Variants in OLAH observed in about 807,000 individuals in gnomAD.
The protein encoded by OLAH is S-acyl fatty acid synthase thioesterase, medium chain.
Under a neutral mutation model 27.8 loss-of-function variants are expected in OLAH, and 33 were observed. That is an observed-to-expected ratio of 1.19 (90% CI 0.90 to 1.59). The LOEUF is 1.59. OLAH is among the 40% of genes most tolerant of loss of function. The pLI, the probability that OLAH is intolerant of heterozygous loss-of-function variation, is 0.00. For missense variants in OLAH, 359 were observed against 310.8 expected, an observed-to-expected ratio of 1.16 and a Z score of -1.17; for synonymous variants, 120 against 102.9, an observed-to-expected ratio of 1.17 and a Z score of -1.01.
At chr10:15,062,935 C>T (rs964589415) in intron 4 of OLAH, among the ~76,000 whole-genome samples, 4 of 152,022 alleles carry the variant, frequency 2.6e-5, no homozygotes, top group Non-Finnish European at 4.4e-5. Flanking sequence ...GTTGGGGTTT[C>T]ACCATGTTGG....
At chr10:15,034,102 A>AGTTTT (rs1491219746) in intron 1 of OLAH, among the ~76,000 whole-genome samples, 1 of 60,752 alleles carries the variant, frequency 1.6e-5, no homozygotes, top group African/African-American at 4.5e-5. Context: ...AGACTCCACC[A>AGTTTT]TTTTTTTTTT....
At chr10:15,058,541 A>G (rs1300181873) in intron 3 of OLAH, among the ~76,000 whole-genome samples, 2 of 152,086 alleles carry the variant, frequency 1.3e-5, no homozygotes, top group Admixed American at 1.3e-4. Context: ...CTACTTATCA[A>G]TTTTGTGTAG....
intron 4 of OLAH, among the ~76,000 whole-genome samples, chr10:15,063,332 T>C (rs1452897251): frequency 1.3e-5 from 2 of 152,176 alleles, no homozygotes; most frequent in Non-Finnish European, 2.9e-5. Flanking sequence ...AGTTTCGCCA[T>C]GTTGCCCAGG....
At position 15,047,189 on chromosome 10, in the gene OLAH, A is replaced by G; in HGVS notation, c.-100A>G. 1.7e-6 allele frequency: 2 copies of G among 1,211,438 alleles called. No homozygotes were observed. The highest frequency in any genetic ancestry group is 2.8e-5 in the South Asian group (2 of 72,214). 75.0% of individuals were successfully genotyped at this position (1,211,438 alleles called of 1,614,324 possible). ...GAAATCTACTCACTCTTCTGTGTGC[A>G]TAAGGCCGAGCAGAGGTTCTTCGTC... On this transcript the variant is annotated 5_prime_UTR_variant, in exon 2 of 8. Coordinates refer to ENST00000378228, the MANE Select transcript of OLAH (RefSeq NM_001039702.3).
At chr10:15,052,880 A>T (rs1844173927) in intron 3 of OLAH, among the ~76,000 whole-genome samples, 2 of 151,640 alleles carry the variant, frequency 1.3e-5, no homozygotes, top group African/African-American at 4.8e-5. Context: ...GTAGTTGGGA[A>T]TACAGGCATG....
At chr10:15,070,558 C>A (rs1204946793) in intron 6 of OLAH, among the ~76,000 whole-genome samples, 3 of 152,084 alleles carry the variant, frequency 2.0e-5, no homozygotes, top group Admixed American at 2.0e-4. Context: ...GATCTTGGCT[C>A]ACCGCAACCT....
chr10:15,053,531 T>C (rs1290069769), intron 3 of OLAH, among the ~76,000 whole-genome samples: 2 of 152,148 alleles, frequency 1.3e-5, no homozygotes, highest in Non-Finnish European at 2.9e-5. Context: ...GGCAGGCCAC[T>C]GTGCATGCAG....
chr10:15,069,970 CTT>C (rs1844549424), intron 6 of OLAH, among the ~76,000 whole-genome samples: 1 of 152,168 alleles, frequency 6.6e-6, no homozygotes, highest in African/African-American at 2.4e-5. Context: ...TGATTTGAGT[CTT>C]ATCGCATGTA....
At chr10:15,069,111 CTAGA>C (rs1844528501) in intron 6 of OLAH, among the ~76,000 whole-genome samples, 1 of 152,152 alleles carries the variant, frequency 6.6e-6, no homozygotes, top group African/African-American at 2.4e-5. Flanking sequence ...TCCTGGACAT[CTAGA>C]TAGTCTGAAG....
chr10:15,071,939 T>A, intron 7 of OLAH, 62 bp downstream of exon 7: 1 of 1,307,360 alleles, frequency 7.6e-7, no homozygotes, highest in Non-Finnish European at 1.1e-6. Flanking sequence ...TTTAAAATTT[T>A]TTTTTTTCTT....
Position 15,073,237 on chromosome 10 carries a change from C to T in OLAH, c.*8C>T, listed in dbSNP as rs746206315. ...TCGATATCCAATTTTTAGATATTTT[C>T]CCTTTCACTTTTAAAATAATCAAAG... On this transcript the variant is annotated 3_prime_UTR_variant, in exon 8 of 8. Coordinates refer to ENST00000378228, the MANE Select transcript of OLAH (RefSeq NM_001039702.3). 3.5e-5 allele frequency: 54 copies of T among 1,535,112 alleles called. No homozygotes were observed. The highest frequency in any genetic ancestry group is 4.8e-5 in the Non-Finnish European group (54 of 1,118,352).
Position 15,073,150 on chromosome 10 carries a change from T to G in OLAH, c.719T>G (p.Leu240Arg). 3.7e-6 allele frequency: 6 copies of G among 1,612,366 alleles called. No individual in the cohort carries two copies. The highest frequency in any genetic ancestry group is 5.1e-6 in the Non-Finnish European group (6 of 1,178,452). The change falls in exon 8 of 8, where the codon CTT becomes CGT. Residue 240 changes from leucine (L) to arginine (R), a missense_variant. Transcript: ENST00000378228. ...CAGCTTCCAGGGGGTCACTTTTATC[T>G]TCTGGATCCTGCGAACGAGAAATTA... is the stretch of plus-strand genomic sequence containing the variant. The part of the protein sequence containing the change: ...IYQLPGGHFY[L>R]LDPANEKLIK...
chr10:15,052,976 A>G (rs1182699461), intron 3 of OLAH, among the ~76,000 whole-genome samples: 2 of 151,962 alleles, frequency 1.3e-5, no homozygotes, highest in Non-Finnish European at 1.5e-5. Flanking sequence ...CCTGACCTCA[A>G]GTGATCCACC....
chr10:15,033,487 GGA>G (rs1843790559), intron 1 of OLAH, among the ~76,000 whole-genome samples: 1 of 152,012 alleles, frequency 6.6e-6, no homozygotes, highest in South Asian at 2.1e-4. Flanking sequence ...AGAAGAAAAA[GGA>G]GAAGAAAGAG....
chr10:15,039,042 G>C (rs75697576), upstream of OLAH, among the ~76,000 whole-genome samples: 4,920 of 150,936 alleles, frequency 0.033, 102 homozygotes, highest in African/African-American at 0.052. Context: ...GGGCAACATA[G>C]AGAGACCCCC....
chr10:15,038,145 C>T (rs1206655803), intron 1 of OLAH, among the ~76,000 whole-genome samples: 4 of 152,218 alleles, frequency 2.6e-5, no homozygotes, highest in Non-Finnish European at 4.4e-5. Context: ...CCTGTAGCCC[C>T]TTTGTTTTGG....
chr10:15,060,954 A>T (rs1844350852), intron 3 of OLAH, among the ~76,000 whole-genome samples: 1 of 152,138 alleles, frequency 6.6e-6, no homozygotes, highest in Non-Finnish European at 1.5e-5. Flanking sequence ...GATTCTGGAG[A>T]TGCTTAGATT....
At chr10:15,044,311 C>A (rs1843973885) in intron 1 of OLAH, among the ~76,000 whole-genome samples, 1 of 151,996 alleles carries the variant, frequency 6.6e-6, no homozygotes, top group Admixed American at 6.6e-5. Flanking sequence ...TAAGGGCTAG[C>A]CTGAGAAATT....
At chr10:15,071,928 C>A in intron 7 of OLAH, 51 bp downstream of exon 7, 1 of 1,419,742 alleles carries the variant, frequency 7.0e-7, no homozygotes, top group Non-Finnish European at 9.9e-7. Context: ...TGTTTGATGG[C>A]TTTAAAATTT....
Sources: allele counts gnomAD v4.1 joint callset (sites outside exome capture counted in the v4.1 genomes callset), GRCh38; gene constraint gnomAD v4.1.1; transcripts MANE v1.5; gene names NCBI Gene and HGNC (gene_info 2026-07-23, HGNC 2026-07-21).